LRMDA: variants seen among roughly 807,000 people sequenced by gnomAD.
LRMDA encodes leucine rich melanocyte differentiation associated, also known as leucine-rich melanocyte differentiation-associated protein.
In LRMDA, 18 loss-of-function variants were observed where a neutral mutation model predicts 29.8. That is an observed-to-expected ratio of 0.60 (90% CI 0.42 to 0.90). LRMDA has a LOEUF of 0.90. LRMDA is among the 40% of genes least tolerant of loss of function. LRMDA has a pLI of 0.00. For missense variants in LRMDA, 273 were observed against 273.9 expected (o/e 1.00, Z 0.02); for synonymous variants, 125 against 109.4 (o/e 1.14, Z -0.89).
chr10:76,025,608 A>G (rs1394671231), intron 2 of LRMDA, among the ~76,000 whole-genome samples: 1 of 152,106 alleles, frequency 6.6e-6, no homozygotes, highest in Non-Finnish European at 1.5e-5. Flanking sequence ...TTGGAAATGG[A>G]TACCACACCA....
At chr10:75,961,295 T>C (rs964781935) in intron 2 of LRMDA, among the ~76,000 whole-genome samples, 1 of 152,272 alleles carries the variant, frequency 6.6e-6, no homozygotes, top group African/African-American at 2.4e-5. Context: ...TTATAGCACC[T>C]GCATTTTCCA....
At chr10:76,255,224 T>A (rs1852571237) in intron 5 of LRMDA, among the ~76,000 whole-genome samples, 1 of 152,196 alleles carries the variant, frequency 6.6e-6, no homozygotes, top group South Asian at 2.1e-4. Context: ...TGGTGCAAAA[T>A]GAACTTTTGA....
At chr10:76,511,550 A>G (rs1564562801) in intron 6 of LRMDA, among the ~76,000 whole-genome samples, 1 of 152,122 alleles carries the variant, frequency 6.6e-6, no homozygotes, top group Non-Finnish European at 1.5e-5. Context: ...ATACAAGATC[A>G]ATATGTGAAA....
intron 2 of LRMDA, among the ~76,000 whole-genome samples, chr10:75,993,867 C>T (rs941901654): frequency 6.6e-6 from 1 of 152,140 alleles, no homozygotes; most frequent in Non-Finnish European, 1.5e-5. Flanking sequence ...CTTCCCTTTC[C>T]CTGTCAGTCT....
At chr10:75,800,388 G>T (rs1166436890) in intron 2 of LRMDA, among the ~76,000 whole-genome samples, 2 of 149,940 alleles carry the variant, frequency 1.3e-5, no homozygotes, top group Admixed American at 1.3e-4. Flanking sequence ...CATCCTTGTT[G>T]ATTGCATTTA....
chr10:76,007,039 T>TGTGTGTGC, intron 2 of LRMDA, among the ~76,000 whole-genome samples: 1 of 149,602 alleles, frequency 6.7e-6, no homozygotes, highest in South Asian at 2.1e-4. Flanking sequence ...TGTGCGCGTG[T>TGTGTGTGC]GTGTTTATAT....
At chr10:75,916,995 CTTATG>C (rs1845945851) in intron 2 of LRMDA, among the ~76,000 whole-genome samples, 1 of 152,096 alleles carries the variant, frequency 6.6e-6, no homozygotes, top group South Asian at 2.1e-4. Context: ...GCTTGTTGAC[CTTATG>C]TTAAGTTGCT....
chr10:76,149,052 A>G (rs938297637), intron 5 of LRMDA, among the ~76,000 whole-genome samples: 2 of 152,190 alleles, frequency 1.3e-5, no homozygotes, highest in Non-Finnish European at 2.9e-5. Context: ...CATTTTCTCC[A>G]GCACTTCTTA....
intron 2 of LRMDA, among the ~76,000 whole-genome samples, chr10:75,766,932 T>G (rs947246698): frequency 3.9e-4 from 60 of 152,322 alleles, no homozygotes; most frequent in African/African-American, 1.4e-3. Context: ...CTGAGGATGA[T>G]GGTTTCCAGC....
intron 2 of LRMDA, among the ~76,000 whole-genome samples, chr10:75,512,652 C>T (rs1327613547): frequency 6.6e-6 from 1 of 152,026 alleles, no homozygotes; most frequent in Non-Finnish European, 1.5e-5. Context: ...TGGTTTGGGT[C>T]GGAGTTCCCA....
Position 75,951,832 on chromosome 10 carries a change from G to A in LRMDA, c.132-84176G>A, listed in dbSNP as rs928535474. Among the ~76,000 whole-genome samples, 6 of 152,314 alleles carry A rather than the reference G, an allele frequency of 3.9e-5. No homozygotes were observed. In the East Asian group the frequency reaches 7.7e-4, roughly 20 times the overall value. ...CTTAAGAAGGCTGACCTCTGCCTCA[G>A]CGTTCTCTGACTTGAATTTTTCAGA... On this transcript the variant is annotated intron_variant, in intron 2 of 6. Coordinates refer to ENST00000611255, the MANE Select transcript of LRMDA (RefSeq NM_001305581.2).
intron 5 of LRMDA, among the ~76,000 whole-genome samples, chr10:76,112,221 G>A (rs1434315713): frequency 1.3e-5 from 2 of 152,130 alleles, no homozygotes; most frequent in Admixed American, 6.5e-5. Flanking sequence ...GAGCCTGGGG[G>A]AGCCCCACCG....
chr10:76,522,807 G>T (rs911142810), intron 6 of LRMDA, among the ~76,000 whole-genome samples: 4 of 152,182 alleles, frequency 2.6e-5, no homozygotes, highest in Non-Finnish European at 4.4e-5. Flanking sequence ...CAGGGACAAG[G>T]ATGGCTCCAG....
chr10:75,450,524 A>G (rs946556402), intron 2 of LRMDA: 1 of 152,178 alleles, frequency 6.6e-6, no homozygotes, highest in African/African-American at 2.4e-5. Context: ...TATTAAACAC[A>G]ATTGGAGGGA....
chr10:76,501,388 C>A (rs573573092), intron 6 of LRMDA, among the ~76,000 whole-genome samples: 7 of 151,864 alleles, frequency 4.6e-5, no homozygotes, highest in African/African-American at 1.7e-4. Context: ...GGGTGTATAC[C>A]CAGTAATTGG....
chr10:76,135,131 T>C (rs990618004), intron 5 of LRMDA, among the ~76,000 whole-genome samples: 1 of 152,260 alleles, frequency 6.6e-6, no homozygotes, highest in Non-Finnish European at 1.5e-5. Context: ...TATAAAAATT[T>C]CATGGAGCAT....
chr10:75,812,945 G>A (rs1269937391), intron 2 of LRMDA, among the ~76,000 whole-genome samples: 1 of 152,186 alleles, frequency 6.6e-6, no homozygotes, highest in African/African-American at 2.4e-5. Context: ...CAAAGTAGGA[G>A]CAGAGCTGAT....
At chr10:76,240,428 TATGTTATATATAATATATAC>T (rs1267096787) in intron 5 of LRMDA, among the ~76,000 whole-genome samples, 1 of 148,278 alleles carries the variant, frequency 6.7e-6, no homozygotes, top group Non-Finnish European at 1.5e-5. Context: ...TGTGTATATA[TATGTTATATATAATATATAC>T]ATGTTATATA....
At chr10:75,593,979 T>C (rs1013091901) in intron 2 of LRMDA, among the ~76,000 whole-genome samples, 5 of 152,242 alleles carry the variant, frequency 3.3e-5, no homozygotes, top group Non-Finnish European at 7.3e-5. Flanking sequence ...GCTTGACATC[T>C]GATCTCAGGT....
Sources: allele counts gnomAD v4.1 joint callset (sites outside exome capture counted in the v4.1 genomes callset), GRCh38; gene constraint gnomAD v4.1.1; transcripts MANE v1.5; gene names NCBI Gene and HGNC (gene_info 2026-07-23, HGNC 2026-07-21).